The following PCDHGA8 variants were observed in gnomAD, a reference collection of about 807,000 sequenced individuals.
The protein encoded by PCDHGA8 is protocadherin gamma-A8.
PCDHGA8 carries 45 observed loss-of-function variants against 59.2 expected under a neutral mutation model. The ratio of observed to expected loss-of-function variants is 0.76; its 90% CI spans 0.60 to 0.98. The LOEUF (loss-of-function observed/expected upper bound fraction) is 0.98. PCDHGA8 is among the 50% of genes least tolerant of loss of function. The pLI is 0.00. For missense variants in PCDHGA8, 1,257 were observed against 1,196.2 expected, an observed-to-expected ratio of 1.05 and a Z score of -0.75; for synonymous variants, 531 against 519.0, an observed-to-expected ratio of 1.02 and a Z score of -0.32.
intron 1 of PCDHGA8, chr5:141,400,280 CCG>C (rs769084717): frequency 1.2e-5 from 19 of 1,613,948 alleles, no homozygotes; most frequent in Non-Finnish European, 1.4e-5. Context: ...TCCAGCCCTG[CCG>C]CCTGGAGCTG....
At chr5:141,409,831 C>A (rs1015263434) in intron 1 of PCDHGA8, 1 of 1,611,128 alleles carries the variant, frequency 6.2e-7, no homozygotes, top group African/African-American at 1.3e-5. Flanking sequence ...CCACGCTCAG[C>A]GCCAACGTGA....
chr5:141,481,877 G>A (rs535267598), intron 1 of PCDHGA8, among the ~76,000 whole-genome samples: 4 of 144,402 alleles, frequency 2.8e-5, no homozygotes, highest in African/African-American at 7.8e-5. Context: ...TCGCGCCACT[G>A]CACTCCAGCC....
At chr5:141,399,483 CTACT>C in intron 1 of PCDHGA8, 2 of 1,614,048 alleles carry the variant, frequency 1.2e-6, no homozygotes, top group Non-Finnish European at 8.5e-7. Context: ...ACCAGGCGTC[CTACT>C]TAGTCAGTGT....
At position 141,431,574 on chromosome 5, in the gene PCDHGA8, G is replaced by T. The variant is rs1476143491; in HGVS notation, c.2424+36337G>T. The T allele has an allele frequency of 6.2e-7, 1 of 1,614,196 alleles. No homozygotes were observed. Among genetic ancestry groups the T allele is most frequent in the Admixed American group, 1.7e-5 (1 of 60,034 alleles). On this transcript the variant is annotated intron_variant, in intron 1 of 3. Transcript: ENST00000398604. This position sits in a 1 kb window ranked among gnomAD's most constrained non-coding sequence, Gnocchi z 4.8. The stretch of plus-strand genomic sequence containing the variant: ...GTCAACGCTACCGACCCTGACGAAG[G>T]AGTCAATGCGGAAGTGAGGTATTCC...
chr5:141,508,737 C>T (rs919094477), intron 3 of PCDHGA8, among the ~76,000 whole-genome samples: 1 of 152,010 alleles, frequency 6.6e-6, no homozygotes, highest in Non-Finnish European at 1.5e-5. Flanking sequence ...CTACACCCCC[C>T]ACCCCGCTCT....
chr5:141,409,513 C>G (rs2095276446), intron 1 of PCDHGA8: 1 of 1,614,030 alleles, frequency 6.2e-7, no homozygotes, highest in South Asian at 1.1e-5. Flanking sequence ...CCAGTAGAAG[C>G]ATCACCTTGT....
chr5:141,504,209 C>T (rs1305672612), intron 2 of PCDHGA8, among the ~76,000 whole-genome samples: 1 of 152,180 alleles, frequency 6.6e-6, no homozygotes, highest in Non-Finnish European at 1.5e-5. Flanking sequence ...TGGGAAAATT[C>T]CAAGTAGAGC....
rs769025757 is a variant in PCDHGA8, at chr5:141,393,971, A to G, written c.1158A>G (p.Thr386=). 1.9e-6 allele frequency: 3 copies of G among 1,613,904 alleles called. No homozygotes were observed. The highest frequency in any genetic ancestry group is 2.5e-6 in the Non-Finnish European group (3 of 1,179,848). The part of the protein sequence containing the change: ...SGKNGQVVCY[T]RDNLPFKLEK... The stretch of plus-strand genomic sequence containing the variant: ...AGAATGGTCAAGTTGTCTGTTACAC[A>G]CGTGATAATTTACCTTTTAAATTAG... Residue 386 remains threonine, a synonymous_variant, in exon 1 of 4, where the codon ACA becomes ACG. Coordinates refer to ENST00000398604, the MANE Select transcript of PCDHGA8 (RefSeq NM_032088.2).
At chr5:141,415,614 G>A (rs1476229913) in intron 1 of PCDHGA8, 1 of 1,612,128 alleles carries the variant, frequency 6.2e-7, no homozygotes, top group Admixed American at 1.7e-5. Flanking sequence ...TGGTTCCAGT[G>A]AGTTTTATTT....
chr5:141,398,313 G>T lies in PCDHGA8; in HGVS notation c.2424+3076G>T, dbSNP rs1270917645. The T allele has an allele frequency of 6.6e-6, 9 of 1,358,982 alleles. No individual in the cohort carries two copies. The South Asian group carries it at 1.1e-4, about 16-fold the overall frequency. 84.2% of individuals were successfully genotyped at this position (1,358,982 alleles called of 1,614,324 possible). A position where few individuals can be genotyped will look rare whatever the true frequency, so the allele number is the denominator to read the frequency against. ...TGGGGTTCAGCGTCCAGGAGTTACC[G>T]ACTCGAAAACTGCGCGTCAGTTCGG... On this transcript the variant is annotated intron_variant, in intron 1 of 3. Transcript: ENST00000398604.
intron 1 of PCDHGA8, among the ~76,000 whole-genome samples, chr5:141,455,959 G>T (rs112864392): frequency 0.11 from 16,680 of 150,504 alleles, 1,459 homozygotes; most frequent in African/African-American, 0.24. Context: ...GTGCAGTGGC[G>T]CGATCTCAGC....
At chr5:141,414,489 G>A (rs754325517) in intron 1 of PCDHGA8, 33 of 1,613,754 alleles carry the variant, frequency 2.0e-5, no homozygotes, top group Middle Eastern at 1.6e-4. Flanking sequence ...CTCTATCAAC[G>A]GAAGCTCACT....
At chr5:141,444,380 A>G (rs1475986922) in intron 1 of PCDHGA8, among the ~76,000 whole-genome samples, 1 of 151,876 alleles carries the variant, frequency 6.6e-6, no homozygotes, top group Non-Finnish European at 1.5e-5. Context: ...CATGTTGGTC[A>G]GGCTAGTCTT....
At chr5:141,409,088 GAGAAAAC>G in intron 1 of PCDHGA8, 1 of 1,614,044 alleles carries the variant, frequency 6.2e-7, no homozygotes, top group Non-Finnish European at 8.5e-7. Context: ...CTCATTGGAT[GAGAAAAC>G]AGGTATGATT....
intron 1 of PCDHGA8, chr5:141,408,814 A>G (rs1473137465): frequency 6.8e-6 from 11 of 1,613,456 alleles, no homozygotes; most frequent in Non-Finnish European, 8.5e-6. Context: ...ACCGGGAAGA[A>G]CAGAGATCTC....
intron 1 of PCDHGA8, chr5:141,408,246 A>C: frequency 6.3e-7 from 1 of 1,590,754 alleles, no homozygotes; most frequent in Non-Finnish European, 8.6e-7. Flanking sequence ...GGCCCGCGGC[A>C]GGTGCTATTT....
intron 1 of PCDHGA8, chr5:141,399,869 G>A: frequency 1.2e-6 from 2 of 1,612,822 alleles, no homozygotes; most frequent in Non-Finnish European, 8.5e-7. Context: ...GCAGAGCCCG[G>A]CTACCTGGTG....
chr5:141,478,633 TGATGAA>T, intron 1 of PCDHGA8: 4 of 1,553,032 alleles, frequency 2.6e-6, no homozygotes, highest in Non-Finnish European at 3.5e-6. Flanking sequence ...GTTTTTTTAG[TGATGAA>T]GATGTTTTCC....
rs140933475 is a variant in PCDHGA8 at position 141,477,405 on chromosome 5, G to A, written c.2425-17402G>A. The A allele has an allele frequency of 3.8e-4, 608 of 1,614,076 alleles. No individual in the cohort carries two copies. The highest frequency in any genetic ancestry group is 4.6e-4 in the Non-Finnish European group (540 of 1,180,022). On this transcript the variant is annotated intron_variant, in intron 1 of 3. Transcript: ENST00000398604. This position sits in a 1 kb window ranked among gnomAD's most constrained non-coding sequence, Gnocchi z 4.9. ...GAATACAACCTCAGCATCACCGCCC[G>A]AGACGCCGGAACCCCTTCCCTCTCA...
Sources: gnomAD v4.1 joint callset for allele counts (sites outside exome capture counted in the v4.1 genomes callset) on GRCh38, gnomAD v4.1.1 for gene constraint, Gnocchi (gnomAD v3.1) non-coding constraint, MANE v1.5 for transcripts, NCBI Gene and HGNC (gene_info 2026-07-23, HGNC 2026-07-21) for gene names.